TLK1: variants seen among roughly 807,000 people sequenced by gnomAD.
The protein encoded by TLK1 is tousled like kinase 1.
A neutral mutation model predicts 105.3 loss-of-function variants in TLK1; 24 were observed. That is an observed-to-expected ratio of 0.23 (90% confidence interval 0.17 to 0.32). The LOEUF (loss-of-function observed/expected upper bound fraction) is 0.32, where lower values mean the gene tolerates loss of function less well. Ranked by LOEUF, TLK1 falls within the 10% of genes least tolerant of loss-of-function variation. The probability of loss-of-function intolerance (pLI) is 1.00; values close to 1 mark genes in which losing one functional copy is unlikely to be tolerated. For missense variants in TLK1, 558 were observed against 910.5 expected, an observed-to-expected ratio of 0.61 and a Z score of 4.98; for synonymous variants, 321 against 310.4, an observed-to-expected ratio of 1.03 and a Z score of -0.36.
At chr2:171,130,261 G>GC (rs1691046909) in intron 1 of TLK1, among the ~76,000 whole-genome samples, 1 of 152,166 alleles carries the variant, frequency 6.6e-6, no homozygotes. Flanking sequence ...AATTAGCTGG[G>GC]CGTGGTGGCA....
chr2:171,109,144 T>G (rs1690056535), intron 2 of TLK1, among the ~76,000 whole-genome samples: 1 of 152,196 alleles, frequency 6.6e-6, no homozygotes, highest in Admixed American at 6.5e-5. Flanking sequence ...ATACGCCAAG[T>G]TGACAATGCA....
chr2:171,145,706 T>C (rs1390931270), intron 1 of TLK1, among the ~76,000 whole-genome samples: 1 of 152,150 alleles, frequency 6.6e-6, no homozygotes, highest in Non-Finnish European at 1.5e-5. Flanking sequence ...ATCAACAAAG[T>C]ATAAAATGTA....
chr2:171,160,725 C>T lies in TLK1; in HGVS notation c.-297G>A. 2 of 453,474 alleles carry T rather than the reference C, an allele frequency of 4.4e-6. No individual in the cohort carries two copies. The highest frequency in any genetic ancestry group is 5.5e-5 in the South Asian group (1 of 18,030). 28.1% of individuals were successfully genotyped at this position (453,474 alleles called of 1,614,324 possible). A position where few individuals can be genotyped will look rare whatever the true frequency, so the allele number is the denominator to read the frequency against. On this transcript the variant is annotated 5_prime_UTR_variant, in exon 1 of 21. Transcript: ENST00000431350. The surrounding 1 kb of genome is among the most constrained non-coding windows in gnomAD (Gnocchi z 4.4). ...CGGCGGCGGAGGCGTCGAGGGGGTGCCAGCCGGGCCGGGGTCGGAGCGCGG... is the reference window on the plus strand; with the variant it reads ...CGGCGGCGGAGGCGTCGAGGGGGTGTCAGCCGGGCCGGGGTCGGAGCGCGG...
chr2:171,040,567 TG>T (rs1354165666), intron 11 of TLK1, among the ~76,000 whole-genome samples: 1,110 of 98,370 alleles, frequency 0.011, 26 homozygotes, highest in Middle Eastern at 0.055. Flanking sequence ...ATTCCTTTTT[TG>T]TTTTTTTTTT....
intron 3 of TLK1, among the ~76,000 whole-genome samples, chr2:171,070,808 G>A (rs940570751): frequency 8.5e-5 from 13 of 152,068 alleles, no homozygotes; most frequent in African/African-American, 2.4e-4. Flanking sequence ...TTGCTGGATC[G>A]CACGGTAGCT....
intron 1 of TLK1, among the ~76,000 whole-genome samples, chr2:171,148,911 A>ATATGTG (rs1408462467): frequency 3.3e-4 from 44 of 134,240 alleles, no homozygotes; most frequent in African/African-American, 1.2e-3. Flanking sequence ...ATATATATAT[A>ATATGTG]TGTGTGTGTG....
intron 18 of TLK1, 79 bp downstream of exon 18, chr2:171,006,068 T>TAAA: frequency 2.7e-5 from 29 of 1,090,758 alleles, no homozygotes; most frequent in Middle Eastern, 2.4e-4. Context: ...TACATGGAAA[T>TAAA]AAAAAAAAAA....
intron 3 of TLK1, among the ~76,000 whole-genome samples, chr2:171,082,517 A>G (rs1688799105): frequency 6.6e-6 from 1 of 152,330 alleles, no homozygotes; most frequent in Admixed American, 6.5e-5. Flanking sequence ...TGAATGGCTA[A>G]TAACTGTCTC....
intron 1 of TLK1, among the ~76,000 whole-genome samples, chr2:171,216,419 T>A (rs1039893892): frequency 6.6e-6 from 1 of 152,100 alleles, no homozygotes; most frequent in African/African-American, 2.4e-5. Context: ...GAGCTTGCAG[T>A]GAGCCGAGAT....
intron 1 of TLK1, among the ~76,000 whole-genome samples, chr2:171,141,790 A>C (rs1026513216): frequency 6.6e-6 from 1 of 152,166 alleles, no homozygotes. Context: ...GCAAAAAAGA[A>C]TTCCTCAACA....
At chr2:171,092,555 CT>C (rs1689282377) in intron 2 of TLK1, among the ~76,000 whole-genome samples, 1 of 152,216 alleles carries the variant, frequency 6.6e-6, no homozygotes, top group Non-Finnish European at 1.5e-5. Flanking sequence ...TATCTATTTA[CT>C]GTGCCAATAG....
chr2:171,189,911 G>T (rs865925732), intron 1 of TLK1, among the ~76,000 whole-genome samples: 1 of 152,032 alleles, frequency 6.6e-6, no homozygotes, highest in African/African-American at 2.4e-5. Context: ...CTCCAGCCTG[G>T]GCGACAGAGC....
At chr2:171,137,273 C>T (rs1691364650) in intron 1 of TLK1, among the ~76,000 whole-genome samples, 2 of 151,264 alleles carry the variant, frequency 1.3e-5, no homozygotes, top group Admixed American at 6.6e-5. Flanking sequence ...CAGAGTGAGA[C>T]CCTGTTTCAA....
intron 12 of TLK1, among the ~76,000 whole-genome samples, chr2:171,020,952 G>A (rs1255501441): frequency 6.6e-6 from 1 of 152,128 alleles, no homozygotes; most frequent in East Asian, 1.9e-4. Context: ...TATTACTGAT[G>A]AGAGCATACT....
intron 3 of TLK1, among the ~76,000 whole-genome samples, chr2:171,077,026 A>G (rs537781583): frequency 3.9e-5 from 6 of 152,308 alleles, no homozygotes; most frequent in Non-Finnish European, 5.9e-5. Flanking sequence ...GTACATGACC[A>G]TATTTCTAAC....
chr2:171,214,710 T>C (rs1363170033), intron 1 of TLK1, among the ~76,000 whole-genome samples: 2 of 152,248 alleles, frequency 1.3e-5, no homozygotes, highest in African/African-American at 4.8e-5. Context: ...AGGACCAATG[T>C]ATGATAAGAA....
intron 12 of TLK1, among the ~76,000 whole-genome samples, chr2:171,024,252 T>C (rs1685670965): frequency 6.6e-6 from 1 of 152,174 alleles, no homozygotes; most frequent in Non-Finnish European, 1.5e-5. Context: ...TAAAATTATT[T>C]GAGTTTTTAT....
At chr2:171,099,805 C>T (rs190270232) in intron 2 of TLK1, among the ~76,000 whole-genome samples, 98 of 152,102 alleles carry the variant, frequency 6.4e-4, no homozygotes, top group South Asian at 4.2e-3. Flanking sequence ...TAGTCCAACG[C>T]GAAAAAATTA....
chr2:171,099,191 A>C (rs1206386824), intron 2 of TLK1, among the ~76,000 whole-genome samples: 1 of 152,214 alleles, frequency 6.6e-6, no homozygotes, highest in Non-Finnish European at 1.5e-5. Flanking sequence ...TAACACACAA[A>C]AACCAAATGT....
Sources: allele counts gnomAD v4.1 joint callset (sites outside exome capture counted in the v4.1 genomes callset), GRCh38; gene constraint gnomAD v4.1.1; non-coding constraint Gnocchi (gnomAD v3.1); transcripts MANE v1.5; gene names NCBI Gene and HGNC (gene_info 2026-07-23, HGNC 2026-07-21).